The following ATXN7L1 variants were observed in gnomAD, a reference collection of about 807,000 sequenced individuals.
ATXN7L1 encodes the protein ataxin-7-like protein 1.
In ATXN7L1, 15 loss-of-function variants were observed where a neutral mutation model predicts 70.8. That is an observed-to-expected ratio of 0.21 (90% CI 0.14 to 0.33). ATXN7L1 has a LOEUF of 0.33. ATXN7L1 is among the 10% of genes least tolerant of loss of function. The pLI is 1.00. For missense variants in ATXN7L1, 975 were observed against 1,097.1 expected (o/e 0.89, Z 1.57); for synonymous variants, 440 against 445.1 (o/e 0.99, Z 0.14).
intron 2 of ATXN7L1, among the ~76,000 whole-genome samples, chr7:105,874,838 A>G (rs1220502905): frequency 6.6e-6 from 1 of 152,166 alleles, no homozygotes; most frequent in East Asian, 1.9e-4. Flanking sequence ...TTTGGCATCT[A>G]ATGGCCTTTT....
intron 3 of ATXN7L1, among the ~76,000 whole-genome samples, chr7:105,774,647 C>T (rs573194803): frequency 5.9e-5 from 9 of 152,214 alleles, no homozygotes; most frequent in East Asian, 1.9e-4. Flanking sequence ...CCACCGCGCC[C>T]GGCCCCGCAG....
chr7:105,792,377 G>A (rs541792813), intron 2 of ATXN7L1, among the ~76,000 whole-genome samples: 2 of 152,316 alleles, frequency 1.3e-5, no homozygotes, highest in Admixed American at 6.5e-5. Context: ...GGGCCCTGCC[G>A]ATGGCGAGCA....
intron 3 of ATXN7L1, among the ~76,000 whole-genome samples, chr7:105,715,508 T>A (rs1270269248): frequency 6.6e-6 from 1 of 152,252 alleles, no homozygotes; most frequent in Non-Finnish European, 1.5e-5. Flanking sequence ...GCCAAGGGAA[T>A]AGCTTTCAAA....
chr7:105,824,772 T>A (rs1467696067), intron 2 of ATXN7L1, among the ~76,000 whole-genome samples: 2 of 151,508 alleles, frequency 1.3e-5, no homozygotes, highest in East Asian at 3.9e-4. Flanking sequence ...CATTTCCAAA[T>A]TAAAAGGGCC....
intron 3 of ATXN7L1, among the ~76,000 whole-genome samples, chr7:105,672,013 C>T (rs1382543156): frequency 6.7e-6 from 1 of 150,292 alleles, no homozygotes; most frequent in Non-Finnish European, 1.5e-5. Context: ...CACGGCCGGG[C>T]GTGGTGGCTC....
chr7:105,875,799 T>C lies in ATXN7L1; in HGVS notation c.250+13A>G. 6.2e-7 allele frequency: 1 copy of C among 1,606,724 alleles called. No homozygotes were observed. The highest frequency in any genetic ancestry group is 1.3e-5 in the African/African-American group (1 of 74,842). ...ACACATGCTAACACTAAAATGCCAG[T>C]AGCTCCACTTACCTTCTTTATTAAG... On this transcript the variant is annotated intron_variant, in intron 2 of 11. Coordinates refer to ENST00000419735, the MANE Select transcript of ATXN7L1 (RefSeq NM_020725.2).
rs1333112409 is a variant in ATXN7L1 at position 105,840,751 on chromosome 7, C to T, written c.250+35061G>A. 2.0e-5 allele frequency among the ~76,000 whole-genome samples: 3 copies of T among 152,150 alleles called. No homozygotes were observed. In the East Asian group the frequency reaches 5.8e-4, roughly 29 times the overall value. ...TTCCCACTTGATTCTGTCTACAGAC[C>T]GCCTTCTAAATACAAAAAAGAAGTA... On this transcript the variant is annotated intron_variant, in intron 2 of 11. Coordinates refer to ENST00000419735, the MANE Select transcript of ATXN7L1 (RefSeq NM_020725.2).
chr7:105,869,946 G>A (rs776797570), intron 2 of ATXN7L1, among the ~76,000 whole-genome samples: 37 of 152,278 alleles, frequency 2.4e-4, no homozygotes, highest in Middle Eastern at 3.4e-3. Context: ...GACAGCTATT[G>A]ATAAAACTTA....
intron 3 of ATXN7L1, among the ~76,000 whole-genome samples, chr7:105,689,316 A>C (rs1790422160): frequency 6.6e-6 from 1 of 152,188 alleles, no homozygotes; most frequent in South Asian, 2.1e-4. Context: ...AGATATTGGC[A>C]GGCCAATGTC....
At chr7:105,760,262 G>A (rs891312454) in intron 3 of ATXN7L1, 6 of 978,224 alleles carry the variant, frequency 6.1e-6, no homozygotes, top group Non-Finnish European at 7.3e-6. Flanking sequence ...ATTTATGTAT[G>A]GTTTTACAGT....
At chr7:105,688,375 T>C (rs1450285483) in intron 3 of ATXN7L1, among the ~76,000 whole-genome samples, 1 of 152,086 alleles carries the variant, frequency 6.6e-6, no homozygotes, top group Non-Finnish European at 1.5e-5. Flanking sequence ...AAACCCCATC[T>C]CTACTAAAAA....
intron 4 of ATXN7L1, among the ~76,000 whole-genome samples, chr7:105,655,867 C>T (rs1296242110): frequency 6.6e-6 from 1 of 152,220 alleles, no homozygotes; most frequent in Non-Finnish European, 1.5e-5. Context: ...AGGGAGCCCT[C>T]CCCCACCTGC....
chr7:105,660,141 T>G (rs891142032), intron 4 of ATXN7L1, among the ~76,000 whole-genome samples: 6 of 152,250 alleles, frequency 3.9e-5, no homozygotes, highest in Admixed American at 2.6e-4. Flanking sequence ...CACCACTGCC[T>G]GGATCCAGGC....
rs1793543147 is a variant in ATXN7L1, at chr7:105,614,433, G to C, written c.1901C>G (p.Thr634Ser). 5.8e-6 allele frequency: 9 copies of C among 1,549,508 alleles called. No individual in the cohort carries two copies. In the Admixed American group the frequency reaches 1.4e-4, roughly 24 times the overall value. Residue 634 changes from threonine to serine, a missense_variant, in exon 10 of 12, where the codon ACC becomes AGC. By Grantham distance (58) the Thr-to-Ser change is moderately conservative. Transcript: ENST00000419735. The surrounding 1 kb of genome is among the most constrained non-coding windows in gnomAD (Gnocchi z 4.3). ...GTTACTTGGAGACTCGTCGCTACGG[G>C]TGGACAGGTCTTTGACTTTTGAGGA... ...SKSSKVKDLS[T>S]RSDESPSNKK... is the part of the protein sequence containing the mutation.
rs35358930 is a variant in ATXN7L1 at position 105,680,074 on chromosome 7, TAAA to T, written c.356-14789_356-14787del. On this transcript the variant is annotated intron_variant, in intron 3 of 11. Coordinates refer to ENST00000419735, the MANE Select transcript of ATXN7L1 (RefSeq NM_020725.2). ...TAGATAAGGGGTACATGCCTTTTAG[TAAA>T]AAAAAAAAAAAAAAAATTAAACCTT... Among the ~76,000 whole-genome samples the T allele has an allele frequency of 7.0e-3, 930 of 133,384 alleles. 11 individuals are homozygous for T. Among genetic ancestry groups the T allele is most frequent in the African/African-American group, 0.024 (870 of 36,156 alleles). The allele number at this position is 133,384 out of a possible 152,430, so 87.5% of individuals were successfully genotyped here.
At chr7:105,687,032 G>C (rs1270705702) in intron 3 of ATXN7L1, among the ~76,000 whole-genome samples, 1 of 152,208 alleles carries the variant, frequency 6.6e-6, no homozygotes, top group African/African-American at 2.4e-5. Context: ...TCTCGAGACA[G>C]GTGAGCTGCC....
chr7:105,747,039 C>A (rs1055777325), intron 3 of ATXN7L1, among the ~76,000 whole-genome samples: 2 of 152,172 alleles, frequency 1.3e-5, no homozygotes, highest in Non-Finnish European at 2.9e-5. Flanking sequence ...ATATTGTGAA[C>A]TATATATTTG....
At chr7:105,652,519 A>G (rs1800004376) in intron 4 of ATXN7L1, among the ~76,000 whole-genome samples, 1 of 151,842 alleles carries the variant, frequency 6.6e-6, no homozygotes. Flanking sequence ...AAGCGGGAGC[A>G]CTCCCCTCGG....
At chr7:105,735,126 G>T (rs1226989343) in intron 3 of ATXN7L1, among the ~76,000 whole-genome samples, 1 of 152,162 alleles carries the variant, frequency 6.6e-6, no homozygotes, top group African/African-American at 2.4e-5. Flanking sequence ...ATACCTCGAA[G>T]AAATCCTTTT....
Sources: allele counts gnomAD v4.1 joint callset (sites outside exome capture counted in the v4.1 genomes callset), GRCh38; gene constraint gnomAD v4.1.1; non-coding constraint Gnocchi (gnomAD v3.1); transcripts MANE v1.5; gene names NCBI Gene and HGNC (gene_info 2026-07-23, HGNC 2026-07-21).